PSD3: variants seen among roughly 807,000 people sequenced by gnomAD.
PSD3 encodes pleckstrin and Sec7 domain containing 3, also known as PH and SEC7 domain-containing protein 3.
PSD3 carries 49 observed loss-of-function variants against 105.5 expected under a neutral mutation model. That is an observed-to-expected ratio of 0.46 (90% CI 0.37 to 0.59). PSD3 has a LOEUF of 0.59. Ranked by LOEUF, PSD3 falls within the 20% of genes least tolerant of loss-of-function variation. The probability of loss-of-function intolerance (pLI) is 0.00; values close to 1 mark genes in which losing one functional copy is unlikely to be tolerated. For synonymous variants in PSD3, 557 were observed against 457.8 expected, an observed-to-expected ratio of 1.22 and a Z score of -2.77; for missense variants, 1,561 against 1,263.8, an observed-to-expected ratio of 1.24 and a Z score of -3.57.
At chr8:18,763,161 C>T (rs954158384) in intron 9 of PSD3, 5 of 409,674 alleles carry the variant, frequency 1.2e-5, no homozygotes, top group African/African-American at 1.0e-4. Context: ...TACTTTTGAA[C>T]CAAATTAATC....
At chr8:18,655,747 G>C (rs1454301773) in intron 9 of PSD3, 62 bp from the exon 10 acceptor site, 3 of 1,485,526 alleles carry the variant, frequency 2.0e-6, no homozygotes, top group Admixed American at 3.4e-5. Context: ...TTTGAATTCA[G>C]CAAATGACCA....
intron 9 of PSD3, among the ~76,000 whole-genome samples, chr8:18,656,420 T>C (rs1005130147): frequency 7.9e-5 from 12 of 151,822 alleles, no homozygotes; most frequent in Admixed American, 6.6e-4. Flanking sequence ...AAGAGTAAGA[T>C]ACTTGGTAGG....
intron 4 of PSD3, among the ~76,000 whole-genome samples, chr8:18,839,152 C>T (rs548405229): frequency 5.9e-4 from 90 of 152,068 alleles, no homozygotes; most frequent in African/African-American, 1.8e-3. Flanking sequence ...CCAGAAGAGC[C>T]GCAATTGCTT....
At chr8:18,596,049 A>G (rs533097278) in intron 12 of PSD3, among the ~76,000 whole-genome samples, 30 of 152,204 alleles carry the variant, frequency 2.0e-4, no homozygotes, top group African/African-American at 5.8e-4. Context: ...AAATAATACC[A>G]AATATATTGT....
rs979428676 is a variant in PSD3, at chr8:18,691,627, C to G, written c.2173-35942G>C. Among the ~76,000 whole-genome samples, 4 of 152,290 alleles carry G rather than the reference C, an allele frequency of 2.6e-5. No homozygotes were observed. The East Asian group carries it at 7.7e-4, about 29-fold the overall frequency. On this transcript the variant is annotated intron_variant, in intron 9 of 15. Coordinates refer to ENST00000327040, the MANE Select transcript of PSD3 (RefSeq NM_015310.4). ...AAAGCTGTTCATCCAGATGAGTAAA[C>G]CAATAATTGTATATAAAAGGGTGAG...
chr8:18,683,848 T>G (rs374103808), intron 9 of PSD3: 3 of 765,206 alleles, frequency 3.9e-6, no homozygotes, highest in Non-Finnish European at 7.2e-6. Context: ...TGCCGCCGGA[T>G]AGAATCCTCC....
At chr8:18,704,368 G>GTC (rs1396253641) in intron 9 of PSD3, among the ~76,000 whole-genome samples, 1 of 152,132 alleles carries the variant, frequency 6.6e-6, no homozygotes, top group Admixed American at 6.5e-5. Context: ...GTGAGACAGA[G>GTC]TCTCTGTCGC....
intron 14 of PSD3, among the ~76,000 whole-genome samples, chr8:18,560,644 T>A (rs933876681): frequency 6.6e-6 from 1 of 152,142 alleles, no homozygotes; most frequent in Non-Finnish European, 1.5e-5. Flanking sequence ...TCATAATATA[T>A]ACAACAACAT....
chr8:18,894,246 T>G (rs554852578), intron 2 of PSD3, among the ~76,000 whole-genome samples: 91 of 152,348 alleles, frequency 6.0e-4, no homozygotes, highest in African/African-American at 2.0e-3. Flanking sequence ...ATTTTGAACC[T>G]AATTCAAACA....
chr8:18,647,407 T>A (rs1010240943), intron 10 of PSD3, among the ~76,000 whole-genome samples: 2 of 152,218 alleles, frequency 1.3e-5, no homozygotes, highest in Non-Finnish European at 2.9e-5. Context: ...TGTTTTAAAC[T>A]GTTATTGTTA....
chr8:18,994,117 T>G (rs1206094251), intron 1 of PSD3, among the ~76,000 whole-genome samples: 1 of 152,028 alleles, frequency 6.6e-6, no homozygotes, highest in Non-Finnish European at 1.5e-5. Context: ...GGTCTCAGGC[T>G]TCACATCTAT....
rs900161819 is a variant in PSD3, at chr8:18,701,922, A to C, written c.2173-46237T>G. Among the ~76,000 whole-genome samples the C allele has an allele frequency of 2.6e-5, 4 of 152,242 alleles. No individual in the cohort carries two copies. In the East Asian group the frequency reaches 5.8e-4, roughly 22 times the overall value. ...ATCACTGGTGTGAAATACTATGTTC[A>C]CAGGACCATTTACGGCTCTTGGGAT... On this transcript the variant is annotated intron_variant, in intron 9 of 15. Transcript: ENST00000327040.
intron 2 of PSD3, among the ~76,000 whole-genome samples, chr8:18,898,310 G>A (rs533694359): frequency 6.6e-6 from 1 of 152,088 alleles, no homozygotes; most frequent in Non-Finnish European, 1.5e-5. Flanking sequence ...GTTTATAAGT[G>A]TTATATCTGC....
chr8:18,700,751 C>T (rs1385103626), intron 9 of PSD3, among the ~76,000 whole-genome samples: 1 of 151,928 alleles, frequency 6.6e-6, no homozygotes, highest in African/African-American at 2.4e-5. Flanking sequence ...TTCTTTCTTT[C>T]CTTCCGTCTA....
chr8:18,893,740 G>A (rs1818965433), intron 2 of PSD3, among the ~76,000 whole-genome samples: 1 of 143,696 alleles, frequency 7.0e-6, no homozygotes. Flanking sequence ...AGCACAGTCT[G>A]GCCAACTAAA....
intron 4 of PSD3, among the ~76,000 whole-genome samples, chr8:18,808,154 A>G (rs1341237959): frequency 6.6e-6 from 1 of 152,246 alleles, no homozygotes; most frequent in East Asian, 1.9e-4. Flanking sequence ...TACGTTAATT[A>G]CAATCAAGTA....
At chr8:18,817,822 G>A (rs1042001640) in intron 4 of PSD3, among the ~76,000 whole-genome samples, 2 of 152,194 alleles carry the variant, frequency 1.3e-5, no homozygotes, top group Non-Finnish European at 2.9e-5. Context: ...GGGGAGCAAC[G>A]TGAAAAAGTG....
In PSD3 at chr8:18,930,308, G is replaced by A. The variant is rs1377807143; in HGVS notation, c.130+5726C>T. Among the ~76,000 whole-genome samples, 2 of 152,066 alleles carry A rather than the reference G, an allele frequency of 1.3e-5. 1 individual carries two copies. The highest frequency in any genetic ancestry group is 3.9e-4 in the East Asian group (2 of 5,178). On this transcript the variant is annotated intron_variant, in intron 2 of 15. Transcript: ENST00000327040. ...AGTGCATACTGCATACTAAATCAAAGCCAATTAAGGCAAAAGAAGGGATTA... is the reference window on the plus strand; with the variant it reads ...AGTGCATACTGCATACTAAATCAAAACCAATTAAGGCAAAAGAAGGGATTA...
intron 9 of PSD3, among the ~76,000 whole-genome samples, chr8:18,706,244 A>C (rs1801889001): frequency 6.6e-6 from 1 of 152,230 alleles, no homozygotes; most frequent in Non-Finnish European, 1.5e-5. Context: ...TCAACCCATT[A>C]AGATTTTAGG....
Sources: gnomAD v4.1 joint callset for allele counts (sites outside exome capture counted in the v4.1 genomes callset) on GRCh38, gnomAD v4.1.1 for gene constraint, MANE v1.5 for transcripts, NCBI Gene and HGNC (gene_info 2026-07-23, HGNC 2026-07-21) for gene names.